The following CYP19A1 variants were observed in gnomAD, a reference collection of about 807,000 sequenced individuals.
CYP19A1 encodes the protein cytochrome P450 family 19 subfamily A member 1.
CYP19A1 carries 32 observed loss-of-function variants against 44.4 expected under a neutral mutation model. The observed-to-expected ratio is 0.72, with a 90% CI of 0.54 to 0.97. The LOEUF (loss-of-function observed/expected upper bound fraction) is 0.97, where lower values mean the gene tolerates loss of function less well. Among genes scored for constraint, CYP19A1 ranks in the 50% least tolerant of loss-of-function variants. CYP19A1 has a pLI of 0.00. For synonymous variants in CYP19A1, 212 were observed against 215.6 expected, an observed-to-expected ratio of 0.98 and a Z score of 0.14; for missense variants, 598 against 637.8, an observed-to-expected ratio of 0.94 and a Z score of 0.67.
intron 1 of CYP19A1, among the ~76,000 whole-genome samples, chr15:51,307,630 G>A (rs2036238789): frequency 6.6e-6 from 1 of 152,178 alleles, no homozygotes; most frequent in African/African-American, 2.4e-5. Context: ...CTCGAGCTAT[G>A]AGATTCCATG....
chr15:51,279,612 G>T (rs1241136484), intron 1 of CYP19A1, among the ~76,000 whole-genome samples: 1 of 152,216 alleles, frequency 6.6e-6, no homozygotes, highest in African/African-American at 2.4e-5. Context: ...AGTGAAAACT[G>T]ACACATGCAC....
chr15:51,224,209 T>G (rs1268896954), intron 4 of CYP19A1, among the ~76,000 whole-genome samples: 2 of 152,142 alleles, frequency 1.3e-5, no homozygotes, highest in Non-Finnish European at 2.9e-5. Context: ...ACTTAACTAT[T>G]TCTCTACAGA....
In CYP19A1 at chr15:51,317,275, T is replaced by G. The variant is rs2036444106; in HGVS notation, c.-39+21220A>C. On this transcript the variant is annotated intron_variant, in intron 1 of 9. Coordinates refer to ENST00000396402, the MANE Select transcript of CYP19A1 (RefSeq NM_000103.4). ...CACCACCATGCCTGGCTAATTATTA[T>G]TTTTTTTGTATTTTTAGTAGAGACA... Among the ~76,000 whole-genome samples the G allele has an allele frequency of 4.6e-5, 7 of 151,668 alleles. No homozygotes were observed. In the South Asian group the frequency reaches 1.5e-3, roughly 32 times the overall value.
intron 3 of CYP19A1, among the ~76,000 whole-genome samples, chr15:51,231,917 C>T (rs971484666): frequency 3.9e-5 from 6 of 152,142 alleles, no homozygotes; most frequent in Admixed American, 2.0e-4. Context: ...TATGGAAATT[C>T]CATGTCCCTA....
At chr15:51,237,625 A>C (rs1445155800) in intron 2 of CYP19A1, among the ~76,000 whole-genome samples, 1 of 152,208 alleles carries the variant, frequency 6.6e-6, no homozygotes, top group Non-Finnish European at 1.5e-5. Flanking sequence ...AGGCAAAATA[A>C]AGCTAAGAGA....
intron 1 of CYP19A1, among the ~76,000 whole-genome samples, chr15:51,250,233 A>G (rs1036237048): frequency 6.6e-5 from 10 of 152,228 alleles, no homozygotes; most frequent in Non-Finnish European, 1.3e-4. Flanking sequence ...CATGTGTGTG[A>G]AGACCCAAGG....
At chr15:51,267,756 A>G (rs984179155) in intron 1 of CYP19A1, among the ~76,000 whole-genome samples, 1 of 152,242 alleles carries the variant, frequency 6.6e-6, no homozygotes, top group Non-Finnish European at 1.5e-5. Context: ...CATTCATTAG[A>G]TTCCAAGCGG....
rs989880661 is a variant in CYP19A1, at chr15:51,208,722, C to T, written c.*2086G>A. The T allele has an allele frequency of 2.0e-5, 3 of 151,770 alleles. No individual in the cohort carries two copies. Among genetic ancestry groups the T allele is most frequent in the Non-Finnish European group, 2.9e-5 (2 of 67,954 alleles). The allele number at this position is 151,770 out of a possible 1,614,324, so 9.4% of individuals were successfully genotyped here. ...TGGATCGTTCAAACCAACACTTCTC[C>T]TCTTCCTGTCCCTCCCCCATGTCCC... On this transcript the variant is annotated 3_prime_UTR_variant, in exon 10 of 10. Transcript: ENST00000396402.
At position 51,215,627 on chromosome 15, in the gene CYP19A1, A is replaced by G; in HGVS notation, c.858+76T>C. On this transcript the variant is annotated intron_variant, in intron 7 of 9. Transcript: ENST00000396402. The stretch of plus-strand genomic sequence containing the variant: ...AAAAGCAGAAATATGCAACAGTTAC[A>G]AAAGGGGATCTTTACACACCTCTAC... The G allele has an allele frequency of 1.9e-6, 3 of 1,612,084 alleles. No individual in the cohort carries two copies. In the East Asian group the frequency reaches 6.7e-5, roughly 36 times the overall value.
intron 1 of CYP19A1, among the ~76,000 whole-genome samples, chr15:51,244,703 G>T (rs1213338822): frequency 1.3e-5 from 2 of 152,142 alleles, no homozygotes; most frequent in Non-Finnish European, 2.9e-5. Flanking sequence ...GAGGAAAGTG[G>T]TTGCAACAAA....
At chr15:51,317,822 C>T (rs2141018983) in intron 1 of CYP19A1, among the ~76,000 whole-genome samples, 1 of 152,318 alleles carries the variant, frequency 6.6e-6, no homozygotes, top group African/African-American at 2.4e-5. Flanking sequence ...AAGGACTTGT[C>T]CAAGGTCACC....
At position 51,251,084 on chromosome 15, in the gene CYP19A1, C is replaced by T. The variant is rs539338207; in HGVS notation, c.-38-8134G>A. On this transcript the variant is annotated intron_variant, in intron 1 of 9. Transcript: ENST00000396402. ...GTTCACTTCCCAGGCCTGCCACGCC[C>T]GGGCTGAGGGGGAGCACTGAAACTG... is the stretch of plus-strand genomic sequence containing the variant. Among the ~76,000 whole-genome samples, 25 of 152,294 alleles carry T rather than the reference C, an allele frequency of 1.6e-4. No individual in the cohort carries two copies. In the East Asian group the frequency reaches 4.1e-3, roughly 25 times the overall value.
intron 1 of CYP19A1, among the ~76,000 whole-genome samples, chr15:51,308,505 G>C (rs1263134557): frequency 6.6e-6 from 1 of 152,068 alleles, no homozygotes; most frequent in Non-Finnish European, 1.5e-5. Flanking sequence ...CCTGAGATCT[G>C]GCTTCCCAGT....
Position 51,274,841 on chromosome 15 carries a change from TA to T in CYP19A1, c.-38-31892del, listed in dbSNP as rs1331139274. On this transcript the variant is annotated intron_variant, in intron 1 of 9. Coordinates refer to ENST00000396402, the MANE Select transcript of CYP19A1 (RefSeq NM_000103.4). ...CTAAGATTGATCCCTTTGTCAGGGGTATTTGAAGAAGAAAGAAGGGGCAACA... is the reference window on the plus strand; with the variant it reads ...CTAAGATTGATCCCTTTGTCAGGGGTTTTGAAGAAGAAAGAAGGGGCAACA... 4.6e-5 allele frequency among the ~76,000 whole-genome samples: 7 copies of T among 152,120 alleles called. No homozygotes were observed. In the East Asian group the frequency reaches 1.4e-3, roughly 29 times the overall value.
At chr15:51,227,981 C>G (rs1463109482) in intron 3 of CYP19A1, 48 bp from the exon 4 acceptor site, 1 of 1,014,094 alleles carries the variant, frequency 9.9e-7, no homozygotes, top group Non-Finnish European at 1.6e-6. Context: ...GTCAGGAGAA[C>G]TCCTGGTGGT....
intron 1 of CYP19A1, among the ~76,000 whole-genome samples, chr15:51,256,816 C>T (rs541659982): frequency 6.6e-6 from 1 of 152,296 alleles, no homozygotes; most frequent in African/African-American, 2.4e-5. Flanking sequence ...CCTTCAAAAA[C>T]AAAGCGATCA....
At chr15:51,282,392 C>T (rs1451220197) in intron 1 of CYP19A1, among the ~76,000 whole-genome samples, 1 of 152,232 alleles carries the variant, frequency 6.6e-6, no homozygotes, top group Admixed American at 6.5e-5. Context: ...ACTGGAAGAA[C>T]ATGCTCCCTA....
intron 1 of CYP19A1, among the ~76,000 whole-genome samples, chr15:51,316,538 G>A (rs1195429881): frequency 6.6e-6 from 1 of 152,058 alleles, no homozygotes; most frequent in Non-Finnish European, 1.5e-5. Context: ...GGCACTGTAT[G>A]GGTTGTGAAT....
At chr15:51,292,793 CCTT>C (rs1002897971) in intron 1 of CYP19A1, among the ~76,000 whole-genome samples, 3 of 151,926 alleles carry the variant, frequency 2.0e-5, no homozygotes, top group Admixed American at 1.3e-4. Context: ...AGGTCGGGGT[CCTT>C]CTTCATGGGC....
Sources: allele counts gnomAD v4.1 joint callset (sites outside exome capture counted in the v4.1 genomes callset), GRCh38; gene constraint gnomAD v4.1.1; transcripts MANE v1.5; gene names NCBI Gene and HGNC (gene_info 2026-07-23, HGNC 2026-07-21).